Variants in MED13L observed in about 807,000 individuals in gnomAD.
The protein encoded by MED13L is mediator of RNA polymerase II transcription subunit 13-like.
Under a neutral mutation model 220.9 loss-of-function variants are expected in MED13L, and 7 were observed. The ratio of observed to expected loss-of-function variants is 0.03; its 90% CI spans 0.02 to 0.06. MED13L has a LOEUF of 0.06. MED13L is among the 10% of genes least tolerant of loss of function. The pLI is 1.00. For synonymous variants in MED13L, 1,011 were observed against 1,015.2 expected (o/e 1.00, Z 0.08); for missense variants, 1,965 against 2,760.5 (o/e 0.71, Z 6.46).
At chr12:116,087,265 CAAAA>C (rs1425589424) in intron 4 of MED13L, among the ~76,000 whole-genome samples, 2 of 151,852 alleles carry the variant, frequency 1.3e-5, no homozygotes, top group African/African-American at 4.8e-5. Flanking sequence ...AAATTCATCA[CAAAA>C]AAGGCAAGCT....
At chr12:116,064,458 T>TATTTCTTATGAAAAGAGGTCAATTTG (rs1869758766) in intron 4 of MED13L, among the ~76,000 whole-genome samples, 4 of 152,218 alleles carry the variant, frequency 2.6e-5, no homozygotes, top group Non-Finnish European at 5.9e-5. Flanking sequence ...CAGCTGTACT[T>TATTTCTTATGAAAAGAGGTCAATTTG]ATTTCTTATG....
intron 1 of MED13L, among the ~76,000 whole-genome samples, chr12:116,246,280 G>C (rs1282311684): frequency 6.7e-6 from 1 of 149,026 alleles, no homozygotes; most frequent in African/African-American, 2.5e-5. Flanking sequence ...AATACACCAA[G>C]AAGTCTGAAG....
intron 4 of MED13L, among the ~76,000 whole-genome samples, chr12:116,051,779 T>C (rs769542581): frequency 2.0e-5 from 3 of 152,122 alleles, no homozygotes; most frequent in African/African-American, 4.8e-5. Context: ...TCTCATGAAG[T>C]CAAGCATGGA....
intron 2 of MED13L, among the ~76,000 whole-genome samples, chr12:116,192,452 T>C (rs1010730849): frequency 1.3e-5 from 2 of 152,228 alleles, no homozygotes; most frequent in African/African-American, 2.4e-5. Context: ...AAATCTCATT[T>C]AAACACATTT....
chr12:116,009,071 C>A lies in MED13L; in HGVS notation c.1342G>T (p.Gly448Trp), dbSNP rs1232759746. The part of the protein sequence containing the change: ...PNRPPTVSQP[G>W]FSAGPSSSSS... ...GATGATGATGGTCCTGCACTGAACC[C>A]TGGTTGAGATACTGTGGGAGGTCGA... Residue 448 changes from glycine (G) to tryptophan (W), a missense_variant, in exon 10 of 31, where the codon GGG becomes TGG. By Grantham distance (184) the Gly-to-Trp change is radical. Around this residue, in one of 10 missense-constraint regions of MED13L, gnomAD observed 818 missense variants for 1,041.2 expected, o/e 0.79. Coordinates refer to ENST00000281928, the MANE Select transcript of MED13L (RefSeq NM_015335.5). 6.2e-7 allele frequency: 1 copy of A among 1,614,072 alleles called. No individual in the cohort carries two copies. Among genetic ancestry groups the A allele is most frequent in the Admixed American group, 1.7e-5 (1 of 60,004 alleles).
chr12:116,196,958 A>G (rs1008974187), intron 2 of MED13L, among the ~76,000 whole-genome samples: 1 of 152,214 alleles, frequency 6.6e-6, no homozygotes, highest in Admixed American at 6.5e-5. Context: ...ATGGGAATAC[A>G]TATCAATGGG....
rs562937732 is a variant in MED13L at position 116,249,620 on chromosome 12, C to T, written c.73-11915G>A. Among the ~76,000 whole-genome samples the T allele has an allele frequency of 2.3e-3, 348 of 148,664 alleles. 2 individuals carry two copies. Among genetic ancestry groups the T allele is most frequent in the Non-Finnish European group, 4.2e-3 (281 of 67,432 alleles). On this transcript the variant is annotated intron_variant, in intron 1 of 30. Coordinates refer to ENST00000281928, the MANE Select transcript of MED13L (RefSeq NM_015335.5). ...TCAAGAATTTAAAGAAAAACACAAACATAAGGACAGAAATGGGGGATTTTT... is the reference window on the plus strand; with the variant it reads ...TCAAGAATTTAAAGAAAAACACAAATATAAGGACAGAAATGGGGGATTTTT...
At chr12:116,237,894 A>C (rs1436877304) in intron 1 of MED13L, among the ~76,000 whole-genome samples, 189 bp from the exon 2 acceptor site, 1 of 152,352 alleles carries the variant, frequency 6.6e-6, no homozygotes, top group East Asian at 1.9e-4. Context: ...CTTTCTATCA[A>C]GATTTCTACA....
rs1352747514 is a variant in MED13L, at chr12:116,254,604, AGCCAG to A, written c.73-16904_73-16900del. On this transcript the variant is annotated intron_variant, in intron 1 of 30. Transcript: ENST00000281928. ...TCTCTACTAAAAACACAAACAAATT[AGCCAG>A]GCATGGTGGCATACACCTGTAATCC... 2.6e-5 allele frequency among the ~76,000 whole-genome samples: 4 copies of A among 151,950 alleles called. No homozygotes were observed. In the East Asian group the frequency reaches 7.7e-4, roughly 29 times the overall value.
chr12:116,042,198 G>A (rs1338658999), intron 4 of MED13L, among the ~76,000 whole-genome samples: 1 of 152,220 alleles, frequency 6.6e-6, no homozygotes, highest in African/African-American at 2.4e-5. Flanking sequence ...TGAAGACACT[G>A]CAGAAAATAG....
chr12:116,275,149 T>C (rs1444560550), intron 1 of MED13L, among the ~76,000 whole-genome samples: 2 of 152,152 alleles, frequency 1.3e-5, no homozygotes, highest in Non-Finnish European at 2.9e-5. Context: ...TTTAATTACC[T>C]GTAAGTGTCA....
intron 4 of MED13L, among the ~76,000 whole-genome samples, chr12:116,055,489 T>C (rs1254173072): frequency 6.6e-6 from 1 of 152,224 alleles, no homozygotes; most frequent in Admixed American, 6.5e-5. Flanking sequence ...GTTCTTTAAA[T>C]GGTACACAAT....
At chr12:116,059,270 G>A (rs1263990985) in intron 4 of MED13L, among the ~76,000 whole-genome samples, 2 of 152,064 alleles carry the variant, frequency 1.3e-5, no homozygotes, top group Non-Finnish European at 2.9e-5. Context: ...GTGTTGCTCA[G>A]GCTGGTCTTG....
Position 116,277,164 on chromosome 12 carries a change from C to T in MED13L, c.-33G>A. ...CGCGAGCCCGGCCGCCAGAGCGGGG[C>T]ATGTCGGAGCGAGGCGTCCGAGGCG... On this transcript the variant is annotated 5_prime_UTR_variant, in exon 1 of 31. The change abolishes an upstream ATG in the 5' untranslated region. Coordinates refer to ENST00000281928, the MANE Select transcript of MED13L (RefSeq NM_015335.5). 1 of 1,523,210 alleles carries T rather than the reference C, an allele frequency of 6.6e-7. No individual in the cohort carries two copies. The highest frequency in any genetic ancestry group is 8.8e-7 in the Non-Finnish European group (1 of 1,131,582). The allele number at this position is 1,523,210 out of a possible 1,614,324, so 94.4% of individuals were successfully genotyped here. A position where few individuals can be genotyped will look rare whatever the true frequency, so the allele number is the denominator to read the frequency against.
chr12:116,230,806 T>C (rs558634900), intron 2 of MED13L, among the ~76,000 whole-genome samples: 1 of 152,328 alleles, frequency 6.6e-6, no homozygotes, highest in East Asian at 1.9e-4. Context: ...ATAATACCGA[T>C]GAAATTATTT....
chr12:116,210,454 C>T (rs915431093), intron 2 of MED13L, among the ~76,000 whole-genome samples: 1 of 150,324 alleles, frequency 6.7e-6, no homozygotes, highest in African/African-American at 2.4e-5. Context: ...CGCTTTATTT[C>T]GTGGAATACA....
chr12:116,267,249 T>C lies in MED13L; in HGVS notation c.72+9811A>G, dbSNP rs182126097. 3.3e-5 allele frequency among the ~76,000 whole-genome samples: 5 copies of C among 152,306 alleles called. No individual in the cohort carries two copies. In the East Asian group the frequency reaches 7.7e-4, roughly 23 times the overall value. On this transcript the variant is annotated intron_variant, in intron 1 of 30. Transcript: ENST00000281928. ...ACACCATGCAACTGTGAATCATATATGGTTGTAACGAAAAACTGTTAAAAA... is the reference window on the plus strand; with the variant it reads ...ACACCATGCAACTGTGAATCATATACGGTTGTAACGAAAAACTGTTAAAAA...
At chr12:116,270,412 TGG>T (rs1447701775) in intron 1 of MED13L, among the ~76,000 whole-genome samples, 1 of 152,144 alleles carries the variant, frequency 6.6e-6, no homozygotes, top group Non-Finnish European at 1.5e-5. Flanking sequence ...CGCAAAGTGA[TGG>T]GATTACAGGC....
rs539706721 is a variant in MED13L at position 116,242,171 on chromosome 12, A to G, written c.73-4466T>C. Among the ~76,000 whole-genome samples the G allele has an allele frequency of 1.1e-4, 17 of 151,404 alleles. No homozygotes were observed. In the East Asian group the frequency reaches 2.9e-3, roughly 26 times the overall value. On this transcript the variant is annotated intron_variant, in intron 1 of 30. Coordinates refer to ENST00000281928, the MANE Select transcript of MED13L (RefSeq NM_015335.5). The stretch of plus-strand genomic sequence containing the variant: ...GCCATTCTCCTGCCTCAGCCTCCCA[A>G]GTAGGTGGGATTACAGGTGCCCGCC...
Sources: gnomAD v4.1 joint callset for allele counts (sites outside exome capture counted in the v4.1 genomes callset) on GRCh38, gnomAD v4.1.1 for gene constraint, gnomAD v4.1.1 regional missense constraint, MANE v1.5 for transcripts, NCBI Gene and HGNC (gene_info 2026-07-23, HGNC 2026-07-21) for gene names.